The following AFAP1L2 variants were observed in gnomAD, a reference collection of about 807,000 sequenced individuals.
AFAP1L2 encodes the protein actin filament associated protein 1 like 2.
In AFAP1L2, 46 loss-of-function variants were observed where a neutral mutation model predicts 99.3. The ratio of observed to expected loss-of-function variants is 0.46; its 90% CI spans 0.37 to 0.59. The LOEUF is 0.59. Among genes scored for constraint, AFAP1L2 ranks in the 20% least tolerant of loss-of-function variants. The pLI is 0.00. For missense variants in AFAP1L2, 959 were observed against 1,034.9 expected (o/e 0.93, Z 1.01); for synonymous variants, 397 against 419.1 (o/e 0.95, Z 0.64).
At chr10:114,284,760 G>C in the AFAP1L2 span, 35 of 1,087,478 alleles carry the variant, frequency 3.2e-5, no homozygotes, top group Admixed American at 9.2e-4. Flanking sequence ...GAGGGGCTGG[G>C]CCACTGCTAG....
chr10:114,334,975 G>C (rs943505177), intron 2 of AFAP1L2, among the ~76,000 whole-genome samples: 25 of 152,198 alleles, frequency 1.6e-4, no homozygotes, highest in African/African-American at 5.5e-4. Context: ...GATACTAGGG[G>C]GTTTGGAAAG....
chr10:114,395,658 T>C (rs1277226503), intron 1 of AFAP1L2, among the ~76,000 whole-genome samples: 1 of 152,110 alleles, frequency 6.6e-6, no homozygotes, highest in Non-Finnish European at 1.5e-5. Context: ...ATGGCAGGAT[T>C]CCCACTTGTT....
intron 4 of AFAP1L2, chr10:114,325,952 C>T (rs1359093989): frequency 4.7e-6 from 6 of 1,289,272 alleles, no homozygotes; most frequent in African/African-American, 1.5e-5. Context: ...CCTCCAGCTC[C>T]AGCCTCCAAG....
chr10:114,306,076 G>C (rs2042306249), intron 10 of AFAP1L2, among the ~76,000 whole-genome samples: 1 of 91,902 alleles, frequency 1.1e-5, no homozygotes, highest in Non-Finnish European at 2.2e-5. Flanking sequence ...NGAAGCGACG[G>C]GGCTGCAGAA....
intron 13 of AFAP1L2, among the ~76,000 whole-genome samples, 181 bp downstream of exon 13, chr10:114,301,173 A>G (rs933764899): frequency 2.6e-5 from 4 of 152,250 alleles, no homozygotes; most frequent in East Asian, 1.9e-4. Context: ...CAAACTGCAC[A>G]GCCTCACATA....
chr10:114,388,213 C>T (rs961109000), intron 1 of AFAP1L2, among the ~76,000 whole-genome samples: 6 of 152,090 alleles, frequency 3.9e-5, no homozygotes, highest in African/African-American at 1.2e-4. Flanking sequence ...AAAGCTCCCT[C>T]GCACCATCCT....
At chr10:114,333,464 T>C (rs538765101) in intron 2 of AFAP1L2, among the ~76,000 whole-genome samples, 169 bp from the exon 3 acceptor site, 1 of 152,228 alleles carries the variant, frequency 6.6e-6, no homozygotes, top group South Asian at 2.1e-4. Flanking sequence ...AGCTGACAGA[T>C]TTCCAAAAGA....
chr10:114,404,776 C>T (rs973293235), upstream of AFAP1L2: 20 of 290,418 alleles, frequency 6.9e-5, no homozygotes, highest in African/African-American at 4.0e-4. Flanking sequence ...GTCTTGACTC[C>T]GGGGGCGTCG....
the AFAP1L2 span, among the ~76,000 whole-genome samples, chr10:114,288,037 C>T: frequency 2.6e-5 from 4 of 152,178 alleles, no homozygotes; most frequent in Non-Finnish European, 4.4e-5. Context: ...CCTCTAACTC[C>T]ATACTTAGAA....
chr10:114,306,103 G>T (rs2042314309), intron 10 of AFAP1L2, among the ~76,000 whole-genome samples: 1 of 91,694 alleles, frequency 1.1e-5, no homozygotes, highest in East Asian at 3.8e-4. Flanking sequence ...GCAGATGCAG[G>T]AAGGGATGCA....
chr10:114,337,492 G>A (rs773939275), intron 2 of AFAP1L2, among the ~76,000 whole-genome samples: 1 of 152,196 alleles, frequency 6.6e-6, no homozygotes, highest in Non-Finnish European at 1.5e-5. Flanking sequence ...CAGGCCCCAG[G>A]CCTCAGTGTG....
intron 11 of AFAP1L2, among the ~76,000 whole-genome samples, chr10:114,302,895 T>C (rs1385850077): frequency 2.0e-5 from 3 of 152,238 alleles, no homozygotes; most frequent in Admixed American, 2.0e-4. Flanking sequence ...ACAATGCATG[T>C]CATTCCCCCA....
At chr10:114,385,498 G>A (rs2056385008) in intron 1 of AFAP1L2, among the ~76,000 whole-genome samples, 1 of 152,188 alleles carries the variant, frequency 6.6e-6, no homozygotes, top group Non-Finnish European at 1.5e-5. Flanking sequence ...GCAGCAGAAT[G>A]TGCCAGAGAG....
At chr10:114,292,813 C>G (rs755340169), downstream of AFAP1L2, among the ~76,000 whole-genome samples, 17 of 152,014 alleles carry the variant, frequency 1.1e-4, no homozygotes, top group Non-Finnish European at 2.1e-4. Context: ...TGAAGTGATT[C>G]TCATGCCTCA....
rs1367524476 is a variant in AFAP1L2 at position 114,323,206 on chromosome 10, T to G, written c.371A>C (p.Tyr124Ser). The G allele has an allele frequency of 6.2e-7, 1 of 1,603,000 alleles. No homozygotes were observed. Residue 124 changes from tyrosine (Y) to serine (S), a missense_variant, in exon 5 of 19, where the codon TAT (tyrosine) becomes TCT (serine). Tyr to Ser is a moderately radical substitution (Grantham distance 144). Transcript: ENST00000304129. Reference sequence around the variant, plus strand: ...TGTGTCATATGGCTCAGCCTCTTCATAGTAGCCCTCTGGAGACTCCGTCTT... The same window carrying G: ...TGTGTCATATGGCTCAGCCTCTTCAGAGTAGCCCTCTGGAGACTCCGTCTT... ...IPKTESPEGY[Y>S]EEAEPYDTSL... is the part of the protein sequence containing the mutation.
chr10:114,385,654 C>G (rs1337724114), intron 1 of AFAP1L2, among the ~76,000 whole-genome samples: 2 of 152,122 alleles, frequency 1.3e-5, no homozygotes, highest in East Asian at 3.9e-4. Flanking sequence ...TCCCTGCCCC[C>G]ACACCCCATT....
chr10:114,392,415 GT>G (rs1361399150), intron 1 of AFAP1L2, among the ~76,000 whole-genome samples: 1 of 152,082 alleles, frequency 6.6e-6, no homozygotes, highest in East Asian at 1.9e-4. Context: ...AAGAAAAAGG[GT>G]TTGTGTGCAT....
At chr10:114,314,198 G>C in intron 6 of AFAP1L2, 148 bp from the exon 7 acceptor site, 1 of 665,938 alleles carries the variant, frequency 1.5e-6, no homozygotes, top group Non-Finnish European at 2.5e-6. Context: ...CCCGAAGCAG[G>C]CCTGGAGCCT....
intron 1 of AFAP1L2, among the ~76,000 whole-genome samples, chr10:114,356,289 A>T (rs985420247): frequency 3.3e-5 from 5 of 152,232 alleles, no homozygotes; most frequent in Admixed American, 6.5e-5. Flanking sequence ...GGATAAACAG[A>T]TAATGAGTCG....
Sources: gnomAD v4.1 joint callset for allele counts (sites outside exome capture counted in the v4.1 genomes callset) on GRCh38, gnomAD v4.1.1 for gene constraint, MANE v1.5 for transcripts, NCBI Gene and HGNC (gene_info 2026-07-23, HGNC 2026-07-21) for gene names.